Variants in TECTB observed in about 807,000 individuals in gnomAD.
TECTB encodes the protein tectorin beta.
TECTB carries 45 observed loss-of-function variants against 43.3 expected under a neutral mutation model. That is an observed-to-expected ratio of 1.04 (90% CI 0.82 to 1.33). TECTB has a LOEUF of 1.33. Ranked by LOEUF, TECTB falls within the 40% of genes most tolerant of loss-of-function variation. TECTB has a pLI of 0.00. For synonymous variants in TECTB, 169 were observed against 156.7 expected, an observed-to-expected ratio of 1.08 and a Z score of -0.59; for missense variants, 399 against 404.7, an observed-to-expected ratio of 0.99 and a Z score of 0.12.
intron 8 of TECTB, 85 bp from the exon 9 acceptor site, chr10:112,299,407 A>G: frequency 7.4e-7 from 1 of 1,350,686 alleles, no homozygotes; most frequent in South Asian, 1.2e-5. Context: ...TTTTTAAAAT[A>G]TCTTTTCTTT....
At chr10:112,286,040 T>C in intron 3 of TECTB, 31 bp from the exon 4 acceptor site, 7 of 1,613,226 alleles carry the variant, frequency 4.3e-6, no homozygotes, top group Non-Finnish European at 5.9e-6. Flanking sequence ...GGGAAACAGA[T>C]TCATCCTGAC....
At position 112,293,813 on chromosome 10, in the gene TECTB, G is replaced by C. The variant is rs1848521639; in HGVS notation, c.559G>C (p.Gly187Arg). ...ASEIGSDLFAGVEAKGLSIRF... is the reference protein window; with the variant it reads ...ASEIGSDLFARVEAKGLSIRF... ...CGAAATCGGTTCAGATCTGTTTGCAGGAGTGGAAGCCAAAGGGTTAAGCAT... is the reference window on the plus strand; with the variant it reads ...CGAAATCGGTTCAGATCTGTTTGCACGAGTGGAAGCCAAAGGGTTAAGCAT... Residue 187 changes from glycine (G) to arginine (R), a missense_variant, in exon 6 of 11, where the codon GGA becomes CGA. Physicochemically the swap from Gly to Arg is moderately radical, Grantham distance 125. Coordinates refer to ENST00000646139, the MANE Select transcript of TECTB (RefSeq NM_058222.3). 4 of 1,614,182 alleles carry C rather than the reference G, an allele frequency of 2.5e-6. No homozygotes were observed. In the East Asian group the frequency reaches 8.9e-5, roughly 36 times the overall value.
intron 7 of TECTB, among the ~76,000 whole-genome samples, chr10:112,296,907 T>A (rs1330816093): frequency 1.3e-5 from 2 of 152,136 alleles, no homozygotes; most frequent in Non-Finnish European, 2.9e-5. Context: ...ATGGTGCTAT[T>A]CAGTGGTCTG....
At chr10:112,301,976 G>T (rs530037272) in intron 9 of TECTB, 125 bp from the exon 10 acceptor site, 67 of 1,147,370 alleles carry the variant, frequency 5.8e-5, no homozygotes, top group South Asian at 5.8e-4. Context: ...CTCCCAAAGT[G>T]CTGGGATTAC....
chr10:112,293,497 T>C (rs1848517485), intron 5 of TECTB, among the ~76,000 whole-genome samples: 1 of 152,234 alleles, frequency 6.6e-6, no homozygotes, highest in Non-Finnish European at 1.5e-5. Flanking sequence ...ATACAGTGTG[T>C]GTCTCACTAT....
chr10:112,297,949 A>C, intron 7 of TECTB, 120 bp from the exon 8 acceptor site: 1 of 1,348,336 alleles, frequency 7.4e-7, no homozygotes, highest in East Asian at 2.3e-5. Context: ...GCTAATCAAA[A>C]TGCCTGGGAA....
At chr10:112,296,179 A>G (rs1328805820) in intron 7 of TECTB, among the ~76,000 whole-genome samples, 3 of 152,074 alleles carry the variant, frequency 2.0e-5, no homozygotes, top group Non-Finnish European at 4.4e-5. Context: ...AAAAAAACCC[A>G]GTTTGCAAAA....
chr10:112,298,624 G>A (rs553455598), intron 8 of TECTB, among the ~76,000 whole-genome samples: 23 of 152,236 alleles, frequency 1.5e-4, no homozygotes, highest in Non-Finnish European at 2.2e-4. Context: ...GGGACAGGCC[G>A]TGGAAATAAC....
In TECTB at chr10:112,286,202, C is replaced by G. The variant is rs373389035; in HGVS notation, c.399C>G (p.Ala133=). 14 of 1,614,058 alleles carry G rather than the reference C, an allele frequency of 8.7e-6. No individual in the cohort carries two copies. Among genetic ancestry groups the G allele is most frequent in the Non-Finnish European group, 1.2e-5 (14 of 1,180,022 alleles). ...CCACCTACTTGGTGAACCAGGCTGC[C>G]TTTGACCAGAGGTAAGTTGCTGTGC... is the stretch of plus-strand genomic sequence containing the variant. ...YHSTYLVNQA[A]FDQRVATVHV... is the part of the protein sequence containing the mutation. Residue 133 remains alanine (A), a synonymous_variant, in exon 4 of 11, where the codon GCC becomes GCG. Coordinates refer to ENST00000646139, the MANE Select transcript of TECTB (RefSeq NM_058222.3).
intron 7 of TECTB, among the ~76,000 whole-genome samples, chr10:112,296,554 G>C (rs781386927): frequency 4.6e-5 from 7 of 152,178 alleles, no homozygotes; most frequent in Non-Finnish European, 1.0e-4. Context: ...CGAGGATCTC[G>C]TGTTTATTGA....
chr10:112,301,533 T>C (rs1246210433), intron 9 of TECTB, among the ~76,000 whole-genome samples: 1 of 152,102 alleles, frequency 6.6e-6, no homozygotes, highest in African/African-American at 2.4e-5. Flanking sequence ...ACAGGTGGAT[T>C]TGTGGTAGCA....
intron 4 of TECTB, 40 bp from the exon 5 acceptor site, chr10:112,286,279 C>T (rs758834190): frequency 1.9e-5 from 31 of 1,612,520 alleles, no homozygotes; most frequent in South Asian, 5.5e-5. Flanking sequence ...TATCAATCAG[C>T]GTGTTTCAGT....
At position 112,294,088 on chromosome 10, in the gene TECTB, T is replaced by C. The variant is rs1368600303; in HGVS notation, c.671+27T>C. ...TAGGTACACTATCTAGAGACAGGGC[T>C]GAACAGTGGAACCAGGCATTTATCG... On this transcript the variant is annotated intron_variant, in intron 7 of 10. Transcript: ENST00000646139. 3.7e-6 allele frequency: 6 copies of C among 1,600,202 alleles called. No individual in the cohort carries two copies. In the African/African-American group the frequency reaches 8.0e-5, roughly 21 times the overall value.
chr10:112,287,790 G>A (rs1411963591), intron 5 of TECTB, among the ~76,000 whole-genome samples: 2 of 152,132 alleles, frequency 1.3e-5, no homozygotes, highest in African/African-American at 4.8e-5. Flanking sequence ...TACTGCGAAG[G>A]GAATGAAACT....
At chr10:112,298,931 A>G in intron 8 of TECTB, among the ~76,000 whole-genome samples, 1 of 152,218 alleles carries the variant, frequency 6.6e-6, no homozygotes, top group South Asian at 2.1e-4. Flanking sequence ...AGCCTATAGT[A>G]ACCAACAAAA....
In TECTB at chr10:112,293,752, C is replaced by T. The variant is rs752459461; in HGVS notation, c.498C>T (p.Ser166=). 210 of 1,613,992 alleles carry T rather than the reference C, an allele frequency of 1.3e-4. 5 individuals carry two copies. The South Asian group carries it at 2.1e-3, about 16-fold the overall frequency. The change falls in exon 6 of 11, where the codon TCC becomes TCT. Residue 166 remains serine, a synonymous_variant. Coordinates refer to ENST00000646139, the MANE Select transcript of TECTB (RefSeq NM_058222.3). The part of the protein sequence containing the change: ...SLNFYTNAKF[S]IKKEAPFVLE... ...TCCTTCCAAAGAATGCCAAGTTCTC[C>T]ATCAAGAAAGAAGCTCCCTTTGTCC...
Position 112,302,129 on chromosome 10 carries a change from C to T in TECTB, c.936C>T (p.Phe312=). 2 of 1,614,056 alleles carry T rather than the reference C, an allele frequency of 1.2e-6. No individual in the cohort carries two copies. Among genetic ancestry groups the T allele is most frequent in the Middle Eastern group, 1.6e-4 (1 of 6,062 alleles). The change falls in exon 10 of 11, where the codon TTC becomes TTT. Residue 312 remains phenylalanine (F), a synonymous_variant. Coordinates refer to ENST00000646139, the MANE Select transcript of TECTB (RefSeq NM_058222.3). ...GGGGATTTTCCAGTCTCTATAGCTTCTCAGGTAAGGAAAAGAGACACTTCT... is the reference window on the plus strand; with the variant it reads ...GGGGATTTTCCAGTCTCTATAGCTTTTCAGGTAAGGAAAAGAGACACTTCT... The part of the protein sequence containing the change: ...RSRGFSSLYS[F]SDVLHHLIMM...
Position 112,293,726 on chromosome 10 carries a change from T to C in TECTB, c.484-12T>C. On this transcript the variant is annotated splice_polypyrimidine_tract_variant and intron_variant, in intron 5 of 10. Coordinates refer to ENST00000646139, the MANE Select transcript of TECTB (RefSeq NM_058222.3). Reference sequence around the variant, plus strand: ...AGAGTTCATAATGCCCAGTGTCAATTTCCTTCCAAAGAATGCCAAGTTCTC... The same window carrying C: ...AGAGTTCATAATGCCCAGTGTCAATCTCCTTCCAAAGAATGCCAAGTTCTC... 1 of 1,612,310 alleles carries C rather than the reference T, an allele frequency of 6.2e-7. No homozygotes were observed. Among genetic ancestry groups the C allele is most frequent in the South Asian group, 1.1e-5 (1 of 91,024 alleles).
At chr10:112,295,613 A>G (rs1300802466) in intron 7 of TECTB, among the ~76,000 whole-genome samples, 1 of 152,262 alleles carries the variant, frequency 6.6e-6, no homozygotes, top group African/African-American at 2.4e-5. Context: ...CACATCTGCC[A>G]TTGAATGATT....
Sources: allele counts gnomAD v4.1 joint callset (sites outside exome capture counted in the v4.1 genomes callset), GRCh38; gene constraint gnomAD v4.1.1; transcripts MANE v1.5; gene names NCBI Gene and HGNC (gene_info 2026-07-23, HGNC 2026-07-21).